Variants in NHERF1 observed in about 807,000 individuals in gnomAD.
The protein encoded by NHERF1 is Na(+)/H(+) exchange regulatory cofactor NHE-RF1.
chr17:74,765,924 T>C, the NHERF1 span, among the ~76,000 whole-genome samples: 1,763 of 152,192 alleles, frequency 0.012, 33 homozygotes, highest in African/African-American at 0.04. Flanking sequence ...GTCATCATCA[T>C]CACCTGGGAA....
chr17:74,749,102 G>A, the NHERF1 span: 1 of 1,583,350 alleles, frequency 6.3e-7, no homozygotes, highest in Non-Finnish European at 8.6e-7. This position sits in a 1 kb window ranked among gnomAD's most constrained non-coding sequence, Gnocchi z 5.6. Context: ...ACTCAACGCC[G>A]TGCGCCTGCT....
chr17:74,761,870 C>T, the NHERF1 span: 1 of 781,866 alleles, frequency 1.3e-6, no homozygotes, highest in Non-Finnish European at 2.2e-6. This position sits in a 1 kb window ranked among gnomAD's most constrained non-coding sequence, Gnocchi z 4.3. Context: ...CCAGAACCCT[C>T]TCAAATTGCT....
the NHERF1 span, among the ~76,000 whole-genome samples, chr17:74,758,583 T>G: frequency 6.6e-6 from 1 of 152,176 alleles, no homozygotes; most frequent in Non-Finnish European, 1.5e-5. The surrounding 1 kb of genome is among the most constrained non-coding windows in gnomAD (Gnocchi z 4.3). Context: ...TCGTCGTCAC[T>G]GGAGGTCCCA....
the NHERF1 span, chr17:74,768,074 C>T: frequency 9.6e-7 from 1 of 1,045,344 alleles, no homozygotes; most frequent in Non-Finnish European, 1.5e-6. Flanking sequence ...CCTACTTCCC[C>T]AGGAGCTCCC....
the NHERF1 span, among the ~76,000 whole-genome samples, chr17:74,753,241 A>G: frequency 6.6e-6 from 1 of 152,194 alleles, no homozygotes; most frequent in African/African-American, 2.4e-5. Context: ...GTGGCATGAC[A>G]GGTTTGTAAA....
At chr17:74,762,203 C>T in the NHERF1 span, 1 of 1,611,706 alleles carries the variant, frequency 6.2e-7, no homozygotes, top group Non-Finnish European at 8.5e-7. The surrounding 1 kb of genome is among the most constrained non-coding windows in gnomAD (Gnocchi z 4.2). Flanking sequence ...TCCTATCTGA[C>T]TGCCCCCACC....
the NHERF1 span, among the ~76,000 whole-genome samples, chr17:74,765,171 G>A: frequency 3.5e-3 from 539 of 152,182 alleles, 2 homozygotes; most frequent in African/African-American, 0.013. Context: ...TGGGGGAGGG[G>A]ATACCCAGGA....
the NHERF1 span, among the ~76,000 whole-genome samples, chr17:74,757,716 CT>C: frequency 6.6e-6 from 1 of 152,206 alleles, no homozygotes; most frequent in Non-Finnish European, 1.5e-5. Context: ...AAATATGGCT[CT>C]TACACCCAAC....
chr17:74,767,116 C>T, the NHERF1 span: 2 of 784,570 alleles, frequency 2.5e-6, no homozygotes, highest in Non-Finnish European at 4.5e-6. Flanking sequence ...TTCTTCAGCT[C>T]CAAGCTATAG....
the NHERF1 span, among the ~76,000 whole-genome samples, chr17:74,750,997 G>T: frequency 6.6e-6 from 1 of 152,130 alleles, no homozygotes; most frequent in Non-Finnish European, 1.5e-5. Flanking sequence ...GAGATGAGAG[G>T]AGAGCCACCA....
At chr17:74,761,676 G>A in the NHERF1 span, among the ~76,000 whole-genome samples, 6 of 152,100 alleles carry the variant, frequency 3.9e-5, no homozygotes, top group East Asian at 1.9e-4. This position sits in a 1 kb window ranked among gnomAD's most constrained non-coding sequence, Gnocchi z 4.3. Context: ...ATAGAGGCCC[G>A]ATCAACACAG....
At chr17:74,768,199 C>A in the NHERF1 span, 1 of 1,613,526 alleles carries the variant, frequency 6.2e-7, no homozygotes, top group Non-Finnish European at 8.5e-7. Context: ...CCCAGGCCAG[C>A]CCTGGTGAGA....
At chr17:74,748,795 T>A in the NHERF1 span, 1 of 1,484,138 alleles carries the variant, frequency 6.7e-7, no homozygotes. The surrounding 1 kb of genome is among the most constrained non-coding windows in gnomAD (Gnocchi z 4.3). Flanking sequence ...GGCCGTCCCG[T>A]CCCGTCCCCA....
the NHERF1 span, chr17:74,763,647 TCCTC>T: frequency 1.4e-5 from 13 of 923,984 alleles, no homozygotes; most frequent in Non-Finnish European, 2.2e-5. Flanking sequence ...TGCTCCCTCC[TCCTC>T]CTTCATGGGA....
the NHERF1 span, chr17:74,768,490 C>G: frequency 1.2e-6 from 2 of 1,614,022 alleles, no homozygotes; most frequent in East Asian, 2.2e-5. Context: ...GACAGCCCCC[C>G]AAAACAGGAC....
chr17:74,767,360 C>T, the NHERF1 span, among the ~76,000 whole-genome samples: 1 of 152,196 alleles, frequency 6.6e-6, no homozygotes, highest in Admixed American at 6.5e-5. Flanking sequence ...CTCCTCCCCC[C>T]TTCCCTGGGC....
chr17:74,768,203 G>A, the NHERF1 span: 6 of 1,613,710 alleles, frequency 3.7e-6, no homozygotes, highest in Middle Eastern at 1.7e-4. Flanking sequence ...GGCCAGCCCT[G>A]GTGAGATCCG....
chr17:74,757,125 G>A, the NHERF1 span, among the ~76,000 whole-genome samples: 1,338 of 152,216 alleles, frequency 8.8e-3, 19 homozygotes, highest in African/African-American at 0.03. Flanking sequence ...GCCCCCTCTT[G>A]CCCCCGTGGG....
the NHERF1 span, among the ~76,000 whole-genome samples, chr17:74,755,106 A>C: frequency 2.0e-5 from 3 of 152,192 alleles, no homozygotes; most frequent in Non-Finnish European, 2.9e-5. Flanking sequence ...TGGCCACATG[A>C]GTAGGCTGTG....
Sources: gnomAD v4.1 joint callset for allele counts (sites outside exome capture counted in the v4.1 genomes callset) on GRCh38, gnomAD v4.1.1 for gene constraint, Gnocchi (gnomAD v3.1) non-coding constraint, MANE v1.5 for transcripts, NCBI Gene and HGNC (gene_info 2026-07-23, HGNC 2026-07-21) for gene names.